Variants in ARPP21 observed in about 807,000 individuals in gnomAD.
ARPP21 encodes cAMP regulated phosphoprotein 21, also known as cAMP-regulated phosphoprotein 21.
Under a neutral mutation model 113.2 loss-of-function variants are expected in ARPP21, and 69 were observed. That is an observed-to-expected ratio of 0.61 (90% CI 0.50 to 0.74). The LOEUF (loss-of-function observed/expected upper bound fraction) is 0.74. Ranked by LOEUF, ARPP21 falls within the 30% of genes least tolerant of loss-of-function variation. The pLI, the probability that ARPP21 is intolerant of heterozygous loss-of-function variation, is 0.00. For missense variants in ARPP21, 1,070 were observed against 1,037.4 expected (o/e 1.03, Z -0.43); for synonymous variants, 368 against 375.5 (o/e 0.98, Z 0.23).
chr3:35,715,700 CT>C (rs1222465008), intron 12 of ARPP21: 1 of 355,604 alleles, frequency 2.8e-6, no homozygotes, highest in Non-Finnish European at 5.1e-6. Flanking sequence ...AATTGTAAAA[CT>C]TTTTCTTATT....
chr3:35,782,250 C>A (rs374492310), intron 19 of ARPP21, among the ~76,000 whole-genome samples: 2 of 152,102 alleles, frequency 1.3e-5, no homozygotes, highest in Admixed American at 6.5e-5. Context: ...TCCTATCAAC[C>A]GATCCTGTCA....
chr3:35,777,690 C>A (rs1402824523), intron 19 of ARPP21, among the ~76,000 whole-genome samples: 1 of 152,066 alleles, frequency 6.6e-6, no homozygotes, highest in African/African-American at 2.4e-5. Context: ...CTCCTTTTTT[C>A]TTTTTCATTT....
chr3:35,670,151 T>C (rs2075963860), intron 1 of ARPP21, among the ~76,000 whole-genome samples: 1 of 152,118 alleles, frequency 6.6e-6, no homozygotes, highest in Non-Finnish European at 1.5e-5. Flanking sequence ...TATAAGATCA[T>C]TGAAAAGTAT....
At chr3:35,779,063 A>G (rs2096460165) in intron 19 of ARPP21, among the ~76,000 whole-genome samples, 1 of 152,178 alleles carries the variant, frequency 6.6e-6, no homozygotes, top group African/African-American at 2.4e-5. Context: ...TTTACAACTC[A>G]TACATTTCTT....
intron 1 of ARPP21, among the ~76,000 whole-genome samples, chr3:35,657,891 TC>T (rs1705761160): frequency 6.6e-6 from 1 of 152,132 alleles, no homozygotes; most frequent in African/African-American, 2.4e-5. Context: ...TGGTCGTGCA[TC>T]CACTCTACAG....
chr3:35,721,199 G>A (rs1188178619), intron 13 of ARPP21, among the ~76,000 whole-genome samples: 4 of 152,080 alleles, frequency 2.6e-5, no homozygotes, highest in Admixed American at 2.6e-4. Context: ...TTCTTTGGTG[G>A]GAGTTACTTT....
chr3:35,768,599 A>G (rs943784855), intron 19 of ARPP21, among the ~76,000 whole-genome samples: 2 of 152,200 alleles, frequency 1.3e-5, no homozygotes, highest in Non-Finnish European at 2.9e-5. Flanking sequence ...TACTTCGTGT[A>G]TGATTGCTTC....
At chr3:35,665,170 A>T (rs1463008572) in intron 1 of ARPP21, among the ~76,000 whole-genome samples, 1 of 152,228 alleles carries the variant, frequency 6.6e-6, no homozygotes, top group Non-Finnish European at 1.5e-5. Flanking sequence ...GTCTGTCTAC[A>T]TATGCACAAA....
intron 5 of ARPP21, among the ~76,000 whole-genome samples, chr3:35,687,078 C>T (rs1196977452): frequency 6.6e-6 from 1 of 150,810 alleles, no homozygotes; most frequent in Non-Finnish European, 1.5e-5. Context: ...ATTCTACTTC[C>T]TACCTTTTCT....
At chr3:35,642,367 G>A (rs1439634542) in intron 1 of ARPP21, 1 of 152,174 alleles carries the variant, frequency 6.6e-6, no homozygotes, top group Non-Finnish European at 1.5e-5. Context: ...GGAAGACAGA[G>A]CAGTGCATGG....
intron 9 of ARPP21, among the ~76,000 whole-genome samples, chr3:35,704,993 T>C (rs2088207185): frequency 6.6e-6 from 1 of 152,108 alleles, no homozygotes; most frequent in South Asian, 2.1e-4. Flanking sequence ...TCTGAGATAA[T>C]TTTATTTGTA....
At chr3:35,741,687 G>A (rs1249155034) in intron 18 of ARPP21, among the ~76,000 whole-genome samples, 1 of 151,962 alleles carries the variant, frequency 6.6e-6, no homozygotes, top group Admixed American at 6.6e-5. Context: ...ACTCCTTTTT[G>A]GATTCTCCAT....
chr3:35,780,287 C>G (rs1280906849), intron 19 of ARPP21, among the ~76,000 whole-genome samples: 1 of 152,118 alleles, frequency 6.6e-6, no homozygotes, highest in Non-Finnish European at 1.5e-5. Context: ...TGCTTCTTTT[C>G]CTAGAGGATT....
At chr3:35,684,134 T>C (rs1446759959) in intron 5 of ARPP21, 14 of 1,469,944 alleles carry the variant, frequency 9.5e-6, no homozygotes, top group Non-Finnish European at 1.3e-5. Context: ...TTGATAAGGC[T>C]GAACCAAATA....
At chr3:35,734,050 A>C (rs1234323500) in intron 15 of ARPP21, among the ~76,000 whole-genome samples, 1 of 152,202 alleles carries the variant, frequency 6.6e-6, no homozygotes, top group African/African-American at 2.4e-5. Context: ...TATAGTAAAA[A>C]TCCTTTCTTT....
At chr3:35,658,994 C>T (rs895572588) in intron 1 of ARPP21, among the ~76,000 whole-genome samples, 1 of 152,064 alleles carries the variant, frequency 6.6e-6, no homozygotes, top group Non-Finnish European at 1.5e-5. Flanking sequence ...GGCATCAATC[C>T]TCATATTTAA....
chr3:35,714,534 G>A (rs1296991355), intron 11 of ARPP21, among the ~76,000 whole-genome samples: 1 of 152,124 alleles, frequency 6.6e-6, no homozygotes, highest in Non-Finnish European at 1.5e-5. Flanking sequence ...TATATAGCAG[G>A]ATGTGTATTT....
chr3:35,685,635 G>A, intron 5 of ARPP21: 1 of 985,116 alleles, frequency 1.0e-6, no homozygotes, highest in Non-Finnish European at 1.2e-6. Context: ...TTCCAGTGTG[G>A]GAAAAACTCT....
At chr3:35,723,101 C>T (rs1367475928) in intron 14 of ARPP21, among the ~76,000 whole-genome samples, 1 of 151,910 alleles carries the variant, frequency 6.6e-6, no homozygotes, top group Non-Finnish European at 1.5e-5. Flanking sequence ...CATTCAGGCT[C>T]CTGAAGTGAC....
Sources: allele counts gnomAD v4.1 joint callset (sites outside exome capture counted in the v4.1 genomes callset), GRCh38; gene constraint gnomAD v4.1.1; transcripts MANE v1.5; gene names NCBI Gene and HGNC (gene_info 2026-07-23, HGNC 2026-07-21).